The following APOL5 variants were observed in gnomAD, a reference collection of about 807,000 sequenced individuals.
APOL5 encodes apolipoprotein L5.
In APOL5, 29 loss-of-function variants were observed where a neutral mutation model predicts 35.5. The observed-to-expected ratio is 0.82, with a 90% CI of 0.61 to 1.11. The LOEUF (loss-of-function observed/expected upper bound fraction) is 1.11. Ranked by LOEUF, APOL5 falls within the 50% of genes most tolerant of loss-of-function variation. The pLI is 0.00. For synonymous variants in APOL5, 188 were observed against 200.2 expected (o/e 0.94, Z 0.51); for missense variants, 514 against 530.4 (o/e 0.97, Z 0.30).
chr22:35,717,329 G>A (rs893096157), upstream of APOL5, among the ~76,000 whole-genome samples: 33 of 147,300 alleles, frequency 2.2e-4, no homozygotes, highest in Admixed American at 8.8e-4. Flanking sequence ...ACTTGAGCCC[G>A]GGAGGTTACT....
rs1159671872 is a variant in APOL5, at chr22:35,726,476, G to A, written c.408G>A (p.Lys136=). ...QVDTTHELLT[K]TSLVASSSGA... ...ACACCACTCACGAGTTGCTTACCAA[G>A]ACCAGCCTGGTGGCCAGCTCTTCCG... Residue 136 remains lysine, a synonymous_variant, in exon 3 of 5, where the codon AAG becomes AAA. Coordinates refer to ENST00000249044, the MANE Select transcript of APOL5 (RefSeq NM_030642.1). 2 of 1,614,042 alleles carry A rather than the reference G, an allele frequency of 1.2e-6. No individual in the cohort carries two copies. Among genetic ancestry groups the A allele is most frequent in the Admixed American group, 3.3e-5 (2 of 60,010 alleles).
rs1013734604 is a variant in APOL5, at chr22:35,726,591, G to A, written c.523G>A (p.Gly175Arg). The A allele has an allele frequency of 3.1e-6, 5 of 1,614,044 alleles. No individual in the cohort carries two copies. In the African/African-American group the frequency reaches 5.3e-5, roughly 17 times the overall value. ...GSLMLSATGTGLGAAAAITNI... is the reference protein window; with the variant it reads ...GSLMLSATGTRLGAAAAITNI... ...TCTCATGCTCTCAGCAACTGGGACA[G>A]GGTTGGGGGCAGCAGCTGCCATCAC... Residue 175 changes from glycine (G) to arginine (R), a missense_variant, in exon 3 of 5, where the codon GGG becomes AGG. By Grantham distance (125) the Gly-to-Arg change is moderately radical. This residue lies in a region of APOL5 where 254 missense variants were observed against 254.7 expected (regional missense o/e 1.00). Coordinates refer to ENST00000249044, the MANE Select transcript of APOL5 (RefSeq NM_030642.1).
intron 2 of APOL5, among the ~76,000 whole-genome samples, chr22:35,721,562 T>C (rs1381031228): frequency 6.6e-6 from 1 of 151,946 alleles, no homozygotes; most frequent in Non-Finnish European, 1.5e-5. Flanking sequence ...AAAAATCCTT[T>C]GGTAATGGTA....
In APOL5 at chr22:35,726,073, T is replaced by A. The variant is rs192213787; in HGVS notation, c.143-138T>A. ...GAGGTTAGAAGCAAGATGAAGCCGG[T>A]TAGGTCAGACCCCTTTCACTGCTGT... On this transcript the variant is annotated intron_variant, in intron 2 of 4. Transcript: ENST00000249044. 4.0e-4 allele frequency: 357 copies of A among 889,956 alleles called. 1 individual carries two copies. Among genetic ancestry groups the A allele is most frequent in the Admixed American group, 1.8e-3 (66 of 35,696 alleles). The allele number at this position is 889,956 out of a possible 1,614,324, so 55.1% of individuals were successfully genotyped here.
upstream of APOL5, among the ~76,000 whole-genome samples, chr22:35,715,592 C>T (rs953819761): frequency 3.9e-5 from 6 of 152,032 alleles, no homozygotes; most frequent in African/African-American, 9.7e-5. Flanking sequence ...GTTGCAAAGC[C>T]GAGATCGTGC....
intron 1 of APOL5, among the ~76,000 whole-genome samples, 168 bp downstream of exon 1, chr22:35,718,094 C>T (rs1926824066): frequency 6.6e-6 from 1 of 152,208 alleles, no homozygotes; most frequent in African/African-American, 2.4e-5. Flanking sequence ...GAGACCCTCT[C>T]AATTGCTCAG....
intron 3 of APOL5, 88 bp downstream of exon 3, chr22:35,727,282 C>T: frequency 6.6e-7 from 1 of 1,512,916 alleles, no homozygotes; most frequent in Non-Finnish European, 8.8e-7. Context: ...TAAACGGACA[C>T]ATCAGTGCAT....
the APOL5 span, among the ~76,000 whole-genome samples, chr22:35,710,382 T>G: frequency 1.3e-5 from 2 of 151,496 alleles, no homozygotes; most frequent in Non-Finnish European, 2.9e-5. Context: ...GCTCAAGTGA[T>G]CCTCCCGCCT....
chr22:35,727,188 C>A lies in APOL5; in HGVS notation c.1120C>A (p.Pro374Thr), dbSNP rs1927200644. 1 of 1,597,106 alleles carries A rather than the reference C, an allele frequency of 6.3e-7. No homozygotes were observed. The change falls in exon 3 of 5, where the codon CCA (proline) becomes ACA (threonine). Residue 374 changes from proline to threonine, a missense_variant. By Grantham distance (38) the Pro-to-Thr change is conservative. Around this residue, in one of 3 missense-constraint regions of APOL5, gnomAD observed 238 missense variants for 229.1 expected, o/e 1.04. Coordinates refer to ENST00000249044, the MANE Select transcript of APOL5 (RefSeq NM_030642.1). The stretch of plus-strand genomic sequence containing the variant: ...TGTTCGAGGATCCCGTGTGGTTAAA[C>A]CAGAAGGTAGGAAGGCAGCGAATAA... ...RAVRGSRVVKPEGSRSPLPWP... is the reference protein window; with the variant it reads ...RAVRGSRVVKTEGSRSPLPWP...
chr22:35,728,972 G>T (rs1445640038), intron 4 of APOL5, 68 bp downstream of exon 4: 1 of 1,461,244 alleles, frequency 6.8e-7, no homozygotes, highest in Non-Finnish European at 9.0e-7. Context: ...CTCCTTGGGT[G>T]GGTGGGCTTC....
upstream of APOL5, chr22:35,717,773 A>G (rs1254175555): frequency 5.4e-5 from 32 of 591,316 alleles, 1 homozygote; most frequent in Non-Finnish European, 7.0e-5. Flanking sequence ...GAAAAGAAAA[A>G]AAAATAGGTG....
chr22:35,727,265 C>G (rs1274242458), intron 3 of APOL5, 71 bp downstream of exon 3: 3 of 1,534,646 alleles, frequency 2.0e-6, no homozygotes. Context: ...TGGGGGGCGA[C>G]GAATGCTAAA....
At chr22:35,714,898 G>A (rs534311682), upstream of APOL5, among the ~76,000 whole-genome samples, 5 of 152,318 alleles carry the variant, frequency 3.3e-5, no homozygotes, top group South Asian at 2.1e-4. Flanking sequence ...AGAGTCTAAC[G>A]CCCTGTTTGG....
the APOL5 span, among the ~76,000 whole-genome samples, chr22:35,709,460 C>T: frequency 6.6e-6 from 1 of 152,052 alleles, no homozygotes; most frequent in African/African-American, 2.4e-5. Flanking sequence ...GCTGAATGTT[C>T]TAGAAAGTCT....
intron 1 of APOL5, 41 bp from the exon 2 acceptor site, chr22:35,720,527 T>G: frequency 1.3e-6 from 2 of 1,589,376 alleles, no homozygotes; most frequent in East Asian, 2.2e-5. Context: ...CGGGCTGAGA[T>G]GACTCAAGAA....
In APOL5 at chr22:35,726,713, C is replaced by T. The variant is rs200823771; in HGVS notation, c.645C>T (p.Phe215=). ...CTCTGACAACATCACATGAGGCTTT[C>T]GGAGGAATAAATTGGTCTGAAATCG... The part of the protein sequence containing the change: ...LGPLTTSHEA[F]GGINWSEIEA... Residue 215 remains phenylalanine, a synonymous_variant, in exon 3 of 5, where the codon TTC becomes TTT. Transcript: ENST00000249044. 29 of 1,614,170 alleles carry T rather than the reference C, an allele frequency of 1.8e-5. No individual in the cohort carries two copies. The highest frequency in any genetic ancestry group is 4.5e-5 in the East Asian group (2 of 44,880).
At chr22:35,727,301 C>G in intron 3 of APOL5, 107 bp downstream of exon 3, 1 of 1,458,558 alleles carries the variant, frequency 6.9e-7, no homozygotes, top group Non-Finnish European at 9.1e-7. Flanking sequence ...ATAACTACAG[C>G]TGCCCCTTCT....
rs748566090 is a variant in APOL5 at position 35,726,397 on chromosome 22, A to G, written c.329A>G (p.Lys110Arg). Residue 110 changes from lysine to arginine, a missense_variant, in exon 3 of 5, where the codon AAG becomes AGG. Coordinates refer to ENST00000249044, the MANE Select transcript of APOL5 (RefSeq NM_030642.1). ...KLFLSYFPLH[K>R]FELEQNIKEL... is the part of the protein sequence containing the mutation. ...TTTCTCTCATATTTTCCTTTGCACAAGTTTGAGCTAGAACAGAACATCAAA... is the reference window on the plus strand; with the variant it reads ...TTTCTCTCATATTTTCCTTTGCACAGGTTTGAGCTAGAACAGAACATCAAA... 6.2e-7 allele frequency: 1 copy of G among 1,614,116 alleles called. No individual in the cohort carries two copies. The highest frequency in any genetic ancestry group is 8.5e-7 in the Non-Finnish European group (1 of 1,180,038).
At chr22:35,713,578 G>A (rs545137569), upstream of APOL5, among the ~76,000 whole-genome samples, 6 of 152,128 alleles carry the variant, frequency 3.9e-5, no homozygotes, top group African/African-American at 9.7e-5. Context: ...ATGGCGCCCC[G>A]CCACTCATCG....
Sources: gnomAD v4.1 joint callset for allele counts (sites outside exome capture counted in the v4.1 genomes callset) on GRCh38, gnomAD v4.1.1 for gene constraint, gnomAD v4.1.1 regional missense constraint, MANE v1.5 for transcripts, NCBI Gene and HGNC (gene_info 2026-07-23, HGNC 2026-07-21) for gene names.